The following ZNF81 variants were observed in gnomAD, a reference collection of about 807,000 sequenced individuals.
The protein encoded by ZNF81 is zinc finger protein 81, also known as zinc finger protein 81 (HFZ20).
A neutral mutation model predicts 32.3 loss-of-function variants in ZNF81; 5 were observed. The ratio of observed to expected loss-of-function variants is 0.15; its 90% CI spans 0.08 to 0.33. ZNF81 has a LOEUF of 0.33. Among genes scored for constraint, ZNF81 ranks in the 10% least tolerant of loss-of-function variants. ZNF81 has a pLI of 1.00. For synonymous variants in ZNF81, 163 were observed against 166.8 expected (o/e 0.98, Z 0.17); for missense variants, 379 against 479.8 (o/e 0.79, Z 1.96).
At chrX:47,904,549 A>C (rs2148038580) in intron 4 of ZNF81, among the ~76,000 whole-genome samples, 1 of 109,925 alleles carries the variant, frequency 9.1e-6, no homozygotes, top group Admixed American at 9.7e-5. Context: ...CAATCATTAA[A>C]AAGTCAGGAA....
chrX:47,908,787 A>T (rs1191762970), intron 4 of ZNF81, among the ~76,000 whole-genome samples: 1 of 111,950 alleles, frequency 8.9e-6, no homozygotes, highest in Non-Finnish European at 1.9e-5. Context: ...AAATGGGTAT[A>T]TGCTATATGA....
chrX:47,882,029 G>C (rs1401981603), intron 2 of ZNF81, among the ~76,000 whole-genome samples: 2 of 111,690 alleles, frequency 1.8e-5, no homozygotes, highest in African/African-American at 6.5e-5. Flanking sequence ...CTCCCAAAGT[G>C]CTGGGATTAT....
intron 2 of ZNF81, among the ~76,000 whole-genome samples, chrX:47,864,708 A>C (rs2058553600): frequency 9.0e-6 from 1 of 111,633 alleles, no homozygotes; most frequent in Non-Finnish European, 1.9e-5. Context: ...ATAGTATGGA[A>C]TCAGCAGCTT....
rs147412741 is a variant in ZNF81 at position 47,841,175 on chromosome X, G to T, written c.-164+4188G>T. 461 of 781,882 alleles carry T rather than the reference G, an allele frequency of 5.9e-4. 10 individuals are homozygous for T. The East Asian group carries it at 9.3e-3, about 16-fold the overall frequency. The allele number at this position is 781,882 out of a possible 1,213,427, so 64.4% of individuals were successfully genotyped here. On this transcript the variant is annotated intron_variant, in intron 1 of 4. Transcript: ENST00000338637. ...AAGCAAATGACACCAAACTTCCCCA[G>T]GTGCTCCTCAATCACTGTACTGTCT... is the stretch of plus-strand genomic sequence containing the variant.
intron 4 of ZNF81, among the ~76,000 whole-genome samples, chrX:47,906,632 C>T (rs2058721890): frequency 9.0e-6 from 1 of 111,104 alleles, no homozygotes; most frequent in South Asian, 3.8e-4. Context: ...GCCTGGCCAA[C>T]ATAGTGAAAC....
At chrX:47,868,942 T>G (rs373137441) in intron 2 of ZNF81, among the ~76,000 whole-genome samples, 1,111 of 20,726 alleles carry the variant, frequency 0.054, no homozygotes, top group Non-Finnish European at 0.061. Flanking sequence ...GGCGGGGGGG[T>G]GGGGGGGATC....
intron 2 of ZNF81, among the ~76,000 whole-genome samples, chrX:47,851,722 A>G (rs781938846): frequency 1.8e-5 from 2 of 112,173 alleles, no homozygotes; most frequent in Non-Finnish European, 3.8e-5. Context: ...CAAGTTTTGT[A>G]TCAACTAGAA....
Position 47,856,609 on chromosome X carries a change from C to T in ZNF81, c.54+10288C>T, listed in dbSNP as rs149311643. Among the ~76,000 whole-genome samples, 779 of 111,547 alleles carry T rather than the reference C, an allele frequency of 7.0e-3. 3 individuals carry two copies. Among genetic ancestry groups the T allele is most frequent in the African/African-American group, 0.024 (748 of 30,697 alleles). Reference sequence around the variant, plus strand: ...TAGGAAAAAACAACTGAAAAATTCCCAAAGGTCCAGCATTATTTTATAAAT... The same window carrying T: ...TAGGAAAAAACAACTGAAAAATTCCTAAAGGTCCAGCATTATTTTATAAAT... On this transcript the variant is annotated intron_variant, in intron 2 of 4. Coordinates refer to ENST00000338637, the MANE Select transcript of ZNF81 (RefSeq NM_007137.5).
At chrX:47,886,472 C>G (rs1054806821) in intron 2 of ZNF81, among the ~76,000 whole-genome samples, 7 of 111,289 alleles carry the variant, frequency 6.3e-5, no homozygotes, top group Admixed American at 1.9e-4. Flanking sequence ...AGAATTTAGG[C>G]ACCCTTCTCT....
In ZNF81 at chrX:47,892,927, A is replaced by G. The variant is rs1354682975; in HGVS notation, c.182-2918A>G. The stretch of plus-strand genomic sequence containing the variant: ...GGAATTGGCAGTGCCTGTCAAGGCA[A>G]GTACCTCAGGGGAAGCCACTGAAAG... On this transcript the variant is annotated intron_variant, in intron 3 of 4. Transcript: ENST00000338637. 2.7e-5 allele frequency among the ~76,000 whole-genome samples: 3 copies of G among 112,850 alleles called. No homozygotes were observed. In the East Asian group the frequency reaches 8.3e-4, roughly 31 times the overall value.
intron 4 of ZNF81, among the ~76,000 whole-genome samples, chrX:47,902,754 C>T (rs1367660504): frequency 4.5e-5 from 5 of 111,679 alleles, no homozygotes; most frequent in African/African-American, 1.3e-4. Context: ...TAGTGAAAAT[C>T]GACACATCAG....
chrX:47,871,125 G>A (rs2058578523), intron 2 of ZNF81, among the ~76,000 whole-genome samples: 1 of 111,348 alleles, frequency 9.0e-6, no homozygotes, highest in African/African-American at 3.3e-5. Context: ...ATTGCCTTTA[G>A]AAATTTTGTT....
At chrX:47,839,750 T>C (rs1166269940) in intron 1 of ZNF81, among the ~76,000 whole-genome samples, 8 of 111,981 alleles carry the variant, frequency 7.1e-5, no homozygotes, top group African/African-American at 2.6e-4. Context: ...TTACAAGGAA[T>C]TGGACTGTTT....
At position 47,916,680 on chromosome X, in the gene ZNF81, G is replaced by A. The variant is rs1019532661; in HGVS notation, c.*48G>A. On this transcript the variant is annotated 3_prime_UTR_variant, in exon 5 of 5. Coordinates refer to ENST00000338637, the MANE Select transcript of ZNF81 (RefSeq NM_007137.5). ...TGAGAGCCTTATAAGGCTGACAAAA[G>A]TCAGGTCTAACTATATATTATAAAA... is the stretch of plus-strand genomic sequence containing the variant. 4 of 1,134,688 alleles carry A rather than the reference G, an allele frequency of 3.5e-6. No homozygotes were observed. Among genetic ancestry groups the A allele is most frequent in the Non-Finnish European group, 3.5e-6 (3 of 849,875 alleles). 93.5% of individuals were successfully genotyped at this position (1,134,688 alleles called of 1,213,427 possible). A position where few individuals can be genotyped will look rare whatever the true frequency, so the allele number is the denominator to read the frequency against.
chrX:47,851,615 C>T (rs1160977423), intron 2 of ZNF81, among the ~76,000 whole-genome samples: 2 of 111,693 alleles, frequency 1.8e-5, no homozygotes, highest in African/African-American at 6.5e-5. Flanking sequence ...AAGGATGTTA[C>T]ATGTGTCCCA....
intron 2 of ZNF81, among the ~76,000 whole-genome samples, chrX:47,877,197 C>T (rs1045699167): frequency 3.6e-5 from 4 of 111,182 alleles, no homozygotes; most frequent in Non-Finnish European, 7.6e-5. Context: ...AATTTGGGTG[C>T]ACCCCCCCGC....
At chrX:47,873,890 C>G (rs1370477149) in intron 2 of ZNF81, among the ~76,000 whole-genome samples, 1 of 111,444 alleles carries the variant, frequency 9.0e-6, no homozygotes, top group Non-Finnish European at 1.9e-5. Flanking sequence ...TCATCTCGAA[C>G]TCCTTGGCCT....
chrX:47,870,379 G>A (rs1236242242), intron 2 of ZNF81, among the ~76,000 whole-genome samples: 1 of 112,308 alleles, frequency 8.9e-6, no homozygotes, highest in Non-Finnish European at 1.9e-5. Context: ...AATTCAGAAA[G>A]TCAGTGAATC....
At chrX:47,903,191 T>C (rs1406885330) in intron 4 of ZNF81, among the ~76,000 whole-genome samples, 39 of 109,032 alleles carry the variant, frequency 3.6e-4, no homozygotes, top group Non-Finnish European at 5.3e-4. Context: ...TCCAACATAG[T>C]GTTGGAAGTT....
Sources: allele counts gnomAD v4.1 joint callset (sites outside exome capture counted in the v4.1 genomes callset), GRCh38; gene constraint gnomAD v4.1.1; transcripts MANE v1.5; gene names NCBI Gene and HGNC (gene_info 2026-07-23, HGNC 2026-07-21).